The following CORO2B variants were observed in gnomAD, a reference collection of about 807,000 sequenced individuals.
The protein encoded by CORO2B is coronin-2B.
CORO2B carries 26 observed loss-of-function variants against 58.8 expected under a neutral mutation model. The observed-to-expected ratio is 0.44, with a 90% CI of 0.32 to 0.61. The LOEUF (loss-of-function observed/expected upper bound fraction) is 0.61, where lower values mean the gene tolerates loss of function less well. CORO2B is among the 20% of genes least tolerant of loss of function. CORO2B has a pLI of 0.04. For synonymous variants in CORO2B, 242 were observed against 253.8 expected (o/e 0.95, Z 0.44); for missense variants, 460 against 645.1 (o/e 0.71, Z 3.11).
the CORO2B span, among the ~76,000 whole-genome samples, chr15:68,539,071 C>G: frequency 6.6e-6 from 1 of 152,184 alleles, no homozygotes; most frequent in Non-Finnish European, 1.5e-5. Context: ...CTATTTAATG[C>G]CCACAGGCTT....
At chr15:68,707,184 G>A (rs1003235894) in intron 3 of CORO2B, among the ~76,000 whole-genome samples, 8 of 152,094 alleles carry the variant, frequency 5.3e-5, no homozygotes, top group African/African-American at 7.2e-5. Flanking sequence ...GCCTGTCCTC[G>A]GTATTTCTAA....
the CORO2B span, among the ~76,000 whole-genome samples, chr15:68,568,525 T>C: frequency 6.6e-6 from 1 of 152,240 alleles, no homozygotes; most frequent in Admixed American, 6.5e-5. Flanking sequence ...ACCCCAAAAG[T>C]CAAAGTGATT....
At chr15:68,604,237 G>A (rs1297001011) in intron 1 of CORO2B, among the ~76,000 whole-genome samples, 1 of 152,100 alleles carries the variant, frequency 6.6e-6, no homozygotes, top group Non-Finnish European at 1.5e-5. Context: ...CTCCAGCATT[G>A]CTCAGAGTTT....
chr15:68,711,672 G>C lies in CORO2B; in HGVS notation c.614G>C (p.Arg205Pro). The C allele has an allele frequency of 6.2e-7, 1 of 1,614,066 alleles. No homozygotes were observed. The highest frequency in any genetic ancestry group is 8.5e-7 in the Non-Finnish European group (1 of 1,179,990). The part of the protein sequence containing the change: ...LTTTCKDKKL[R>P]VIEPRSGRVL... Reference sequence around the variant, plus strand: ...ACCACGTGCAAGGACAAGAAGCTGCGTGTGATTGAGCCCCGCTCTGGCCGT... The same window carrying C: ...ACCACGTGCAAGGACAAGAAGCTGCCTGTGATTGAGCCCCGCTCTGGCCGT... Residue 205 changes from arginine to proline, a missense_variant, in exon 5 of 12, where the codon CGT (arginine) becomes CCT (proline). Physicochemically the swap from Arg to Pro is moderately radical, Grantham distance 103 (BLOSUM62 -2). Around this residue, in one of 2 missense-constraint regions of CORO2B, gnomAD observed 352 missense variants for 543.0 expected, o/e 0.65. Transcript: ENST00000261861.
At chr15:68,557,807 C>T in the CORO2B span, among the ~76,000 whole-genome samples, 2 of 152,240 alleles carry the variant, frequency 1.3e-5, no homozygotes, top group African/African-American at 4.8e-5. Context: ...AACTGGGACT[C>T]CACAGCCTTA....
chr15:68,715,111 C>T, intron 7 of CORO2B, 104 bp from the exon 8 acceptor site: 3 of 1,022,724 alleles, frequency 2.9e-6, no homozygotes, highest in Non-Finnish European at 4.6e-6. Context: ...TTTAACTGCC[C>T]ATGAGGCACA....
intron 2 of CORO2B, among the ~76,000 whole-genome samples, chr15:68,654,489 G>T (rs1901740853): frequency 6.6e-6 from 1 of 152,200 alleles, no homozygotes; most frequent in Admixed American, 6.5e-5. Flanking sequence ...CAGAGGCATT[G>T]CCCTGGCCTC....
the CORO2B span, among the ~76,000 whole-genome samples, chr15:68,565,756 C>A: frequency 1.3e-5 from 2 of 152,204 alleles, no homozygotes; most frequent in Non-Finnish European, 1.5e-5. Context: ...CTCATGCTCA[C>A]GCCTCTCATT....
chr15:68,606,296 G>T (rs1156975130), intron 1 of CORO2B, among the ~76,000 whole-genome samples: 2 of 152,150 alleles, frequency 1.3e-5, no homozygotes, highest in Non-Finnish European at 2.9e-5. Flanking sequence ...GGGTGGTGGG[G>T]CTTAGCCAAG....
At chr15:68,641,865 A>C (rs1866686) in intron 1 of CORO2B, among the ~76,000 whole-genome samples, 7 of 152,074 alleles carry the variant, frequency 4.6e-5, no homozygotes, top group African/African-American at 1.4e-4. Flanking sequence ...CTGAGACTAT[A>C]GGTGTGTACC....
At chr15:68,544,808 G>T in the CORO2B span, among the ~76,000 whole-genome samples, 26 of 146,368 alleles carry the variant, frequency 1.8e-4, no homozygotes, top group East Asian at 4.7e-3. Context: ...ATGGACTCTC[G>T]CTCTGTCGCC....
At chr15:68,529,713 G>C in the CORO2B span, among the ~76,000 whole-genome samples, 1 of 152,016 alleles carries the variant, frequency 6.6e-6, no homozygotes, top group African/African-American at 2.4e-5. Flanking sequence ...TATGTAATTT[G>C]CTCTTCTGTT....
At chr15:68,627,805 T>C (rs12898784) in intron 1 of CORO2B, among the ~76,000 whole-genome samples, 52,652 of 151,968 alleles carry the variant, frequency 0.35, 11,776 homozygotes, top group African/African-American at 0.64. Context: ...CTCAGGCTTA[T>C]GGGTACAGCC....
chr15:68,640,319 C>G (rs1027626653), intron 1 of CORO2B, among the ~76,000 whole-genome samples: 1 of 152,182 alleles, frequency 6.6e-6, no homozygotes. Context: ...GCATGCTTTA[C>G]CAAAGCCAAG....
chr15:68,711,329 G>T (rs566023372), intron 4 of CORO2B, among the ~76,000 whole-genome samples: 1 of 152,330 alleles, frequency 6.6e-6, no homozygotes, highest in South Asian at 2.1e-4. Flanking sequence ...AGCCCAGGCT[G>T]GTGCTGGGAT....
At chr15:68,557,914 A>G in the CORO2B span, among the ~76,000 whole-genome samples, 5 of 152,196 alleles carry the variant, frequency 3.3e-5, no homozygotes, top group Non-Finnish European at 5.9e-5. Flanking sequence ...GTCATAGTCC[A>G]CACCTCCCAG....
chr15:68,634,567 C>T (rs1900967273), intron 1 of CORO2B, among the ~76,000 whole-genome samples: 1 of 152,192 alleles, frequency 6.6e-6, no homozygotes, highest in African/African-American at 2.4e-5. Context: ...GGGCCCAGTG[C>T]TCCTTGCAAT....
chr15:68,552,016 C>A, the CORO2B span, among the ~76,000 whole-genome samples: 2 of 152,164 alleles, frequency 1.3e-5, no homozygotes, highest in East Asian at 1.9e-4. Context: ...TTCTTCTCTA[C>A]CCCTGAGGTT....
At chr15:68,634,582 C>G (rs1900967621) in intron 1 of CORO2B, among the ~76,000 whole-genome samples, 1 of 152,180 alleles carries the variant, frequency 6.6e-6, no homozygotes, top group African/African-American at 2.4e-5. Flanking sequence ...TGCAATGCCA[C>G]TCAGGGACCA....
Sources: allele counts gnomAD v4.1 joint callset (sites outside exome capture counted in the v4.1 genomes callset), GRCh38; gene constraint gnomAD v4.1.1; regional missense constraint gnomAD v4.1.1; transcripts MANE v1.5; gene names NCBI Gene and HGNC (gene_info 2026-07-23, HGNC 2026-07-21).